AGTPBP1: variants seen among roughly 807,000 people sequenced by gnomAD.
AGTPBP1 encodes ATP/GTP binding carboxypeptidase 1.
A neutral mutation model predicts 143.9 loss-of-function variants in AGTPBP1; 70 were observed. That is an observed-to-expected ratio of 0.49 (90% CI 0.40 to 0.59). The LOEUF (loss-of-function observed/expected upper bound fraction) is 0.59. Among genes scored for constraint, AGTPBP1 ranks in the 20% least tolerant of loss-of-function variants. The pLI, the probability that AGTPBP1 is intolerant of heterozygous loss-of-function variation, is 0.00. For missense variants in AGTPBP1, 1,229 were observed against 1,464.5 expected, an observed-to-expected ratio of 0.84 and a Z score of 2.62; for synonymous variants, 463 against 500.2, an observed-to-expected ratio of 0.93 and a Z score of 0.99.
chr9:85,615,692 A>AT (rs1301260220), intron 17 of AGTPBP1, among the ~76,000 whole-genome samples: 1 of 151,956 alleles, frequency 6.6e-6, no homozygotes, highest in African/African-American at 2.4e-5. Flanking sequence ...TTTTTTTTGG[A>AT]TGCTCCCTTT....
In AGTPBP1 at chr9:85,741,861, G is replaced by T. The variant is rs1824325045; in HGVS notation, c.-120C>A. On this transcript the variant is annotated 5_prime_UTR_variant, in exon 1 of 26. Coordinates refer to ENST00000357081, the MANE Select transcript of AGTPBP1 (RefSeq NM_001330701.2). Reference sequence around the variant, plus strand: ...GATCACGGCGGATCCCTCGCCGCCCGCCGCCCGGTGTTTTCATACAAACCC... The same window carrying T: ...GATCACGGCGGATCCCTCGCCGCCCTCCGCCCGGTGTTTTCATACAAACCC... 7.2e-7 allele frequency: 1 copy of T among 1,396,108 alleles called. No individual in the cohort carries two copies. The highest frequency in any genetic ancestry group is 1.5e-5 in the South Asian group (1 of 65,648). 86.5% of individuals were successfully genotyped at this position (1,396,108 alleles called of 1,614,324 possible).
At position 85,699,582 on chromosome 9, in the gene AGTPBP1, T is replaced by TAA. The variant is rs564293037; in HGVS notation, c.33-6771_33-6770dup. ...AATAAAGACTTCCTCATAAATACGG[T>TAA]AAAAAAAAATAATAAACAGCAAAAA... On this transcript the variant is annotated intron_variant, in intron 2 of 25. Coordinates refer to ENST00000357081, the MANE Select transcript of AGTPBP1 (RefSeq NM_001330701.2). 6.9e-3 allele frequency among the ~76,000 whole-genome samples: 977 copies of TAA among 142,020 alleles called. 5 individuals carry two copies. Among genetic ancestry groups the TAA allele is most frequent in the Middle Eastern group, 0.034 (9 of 266 alleles). 93.2% of individuals were successfully genotyped at this position (142,020 alleles called of 152,430 possible).
At chr9:85,767,676 C>T in the AGTPBP1 span, among the ~76,000 whole-genome samples, 64 of 151,666 alleles carry the variant, frequency 4.2e-4, 1 homozygote, top group East Asian at 9.5e-3. Context: ...GAGACGAGGT[C>T]TCGCCATGTT....
chr9:85,658,987 T>C (rs1417266999), intron 9 of AGTPBP1, among the ~76,000 whole-genome samples: 1 of 152,230 alleles, frequency 6.6e-6, no homozygotes, highest in African/African-American at 2.4e-5. Flanking sequence ...TAGCTGTGAA[T>C]GTGATTTTGT....
At chr9:85,748,758 A>G in the AGTPBP1 span, among the ~76,000 whole-genome samples, 1 of 152,210 alleles carries the variant, frequency 6.6e-6, no homozygotes, top group Admixed American at 6.5e-5. Flanking sequence ...TCTGCCAACA[A>G]CTTAGTCTGT....
intron 8 of AGTPBP1, among the ~76,000 whole-genome samples, chr9:85,665,773 T>A (rs1210126119): frequency 6.6e-6 from 1 of 152,174 alleles, no homozygotes; most frequent in Admixed American, 6.6e-5. Flanking sequence ...TTCTTTCAGA[T>A]GGCAACACCC....
At chr9:85,595,366 C>T (rs982440962) in intron 18 of AGTPBP1, among the ~76,000 whole-genome samples, 1 of 152,096 alleles carries the variant, frequency 6.6e-6, no homozygotes, top group Non-Finnish European at 1.5e-5. Flanking sequence ...ACAAGGGTGC[C>T]AAGTGGAATC....
At chr9:85,576,356 T>C (rs1167271241) in intron 24 of AGTPBP1, among the ~76,000 whole-genome samples, 1 of 152,182 alleles carries the variant, frequency 6.6e-6, no homozygotes, top group Non-Finnish European at 1.5e-5. Context: ...AGTGAGTTCC[T>C]ATGGCACACG....
the AGTPBP1 span, among the ~76,000 whole-genome samples, chr9:85,797,241 G>GGGACTACAGATGT: frequency 6.6e-6 from 1 of 152,080 alleles, no homozygotes; most frequent in African/African-American, 2.4e-5. Flanking sequence ...CTGAGTAGCT[G>GGGACTACAGATGT]GGACTACAGA....
chr9:85,665,696 TAA>T (rs1355270663), intron 8 of AGTPBP1, among the ~76,000 whole-genome samples: 1 of 152,200 alleles, frequency 6.6e-6, no homozygotes, highest in Non-Finnish European at 1.5e-5. Context: ...TTTCTAATCC[TAA>T]AATAGAACAT....
chr9:85,558,241 C>G (rs1471415337), intron 25 of AGTPBP1, among the ~76,000 whole-genome samples: 1 of 152,146 alleles, frequency 6.6e-6, no homozygotes, highest in Non-Finnish European at 1.5e-5. Flanking sequence ...ACATGAAGGT[C>G]ACATATTGTA....
At chr9:85,682,931 A>T (rs1835278703) in intron 3 of AGTPBP1, among the ~76,000 whole-genome samples, 1 of 152,226 alleles carries the variant, frequency 6.6e-6, no homozygotes, top group Non-Finnish European at 1.5e-5. Flanking sequence ...AATGTTATTT[A>T]TGACAACTAC....
intron 14 of AGTPBP1, among the ~76,000 whole-genome samples, chr9:85,625,904 G>T (rs375283235): frequency 0.013 from 1,361 of 105,488 alleles, 11 homozygotes; most frequent in African/African-American, 0.024. Flanking sequence ...ACCTAGTTTT[G>T]TTTTTTTTTT....
rs141199081 is a variant in AGTPBP1, at chr9:85,693,795, A to G, written c.33-982T>C. ...GAGAAAAAGCACATTGGGGGAATAA[A>G]AAGTGCAGGGGGAGAGAGACAGTTT... On this transcript the variant is annotated intron_variant, in intron 2 of 25. Transcript: ENST00000357081. Among the ~76,000 whole-genome samples the G allele has an allele frequency of 1.1e-4, 17 of 152,300 alleles. No individual in the cohort carries two copies. The East Asian group carries it at 3.3e-3, about 29-fold the overall frequency.
At chr9:85,673,267 C>T (rs1834607037) in intron 6 of AGTPBP1, among the ~76,000 whole-genome samples, 1 of 151,716 alleles carries the variant, frequency 6.6e-6, no homozygotes, top group African/African-American at 2.4e-5. Context: ...GCTAGAGTAG[C>T]CCAACACTTA....
At chr9:85,799,166 C>A in the AGTPBP1 span, among the ~76,000 whole-genome samples, 17 of 152,068 alleles carry the variant, frequency 1.1e-4, no homozygotes, top group Non-Finnish European at 2.4e-4. Flanking sequence ...TGAACTCATC[C>A]TTTTTATGGC....
intron 2 of AGTPBP1, among the ~76,000 whole-genome samples, chr9:85,710,676 T>TACA (rs527633138): frequency 0.065 from 9,781 of 151,048 alleles, 419 homozygotes; most frequent in African/African-American, 0.12. Flanking sequence ...TTAGTTACCC[T>TACA]ACAACAACAA....
intron 4 of AGTPBP1, among the ~76,000 whole-genome samples, chr9:85,680,648 A>G (rs1835112406): frequency 6.6e-6 from 1 of 152,154 alleles, no homozygotes; most frequent in South Asian, 2.1e-4. Context: ...AGATTGCTCT[A>G]AAGTAACAGA....
intron 25 of AGTPBP1, among the ~76,000 whole-genome samples, chr9:85,559,649 A>G (rs1159715512): frequency 1.3e-5 from 2 of 150,888 alleles, no homozygotes; most frequent in Non-Finnish European, 3.0e-5. Context: ...AGGTTGACCA[A>G]CTGGACCCAA....
Sources: gnomAD v4.1 joint callset for allele counts (sites outside exome capture counted in the v4.1 genomes callset) on GRCh38, gnomAD v4.1.1 for gene constraint, MANE v1.5 for transcripts, NCBI Gene and HGNC (gene_info 2026-07-23, HGNC 2026-07-21) for gene names.